Variants in RNF6 observed in about 807,000 individuals in gnomAD.
The protein encoded by RNF6 is E3 ubiquitin-protein ligase RNF6.
RNF6 carries 21 observed loss-of-function variants against 50.1 expected under a neutral mutation model. The ratio of observed to expected loss-of-function variants is 0.42; its 90% CI spans 0.30 to 0.60. The LOEUF is 0.60. Among genes scored for constraint, RNF6 ranks in the 20% least tolerant of loss-of-function variants. The pLI, the probability that RNF6 is intolerant of heterozygous loss-of-function variation, is 0.20. For synonymous variants in RNF6, 255 were observed against 291.8 expected (o/e 0.87, Z 1.29); for missense variants, 698 against 838.2 (o/e 0.83, Z 2.07).
At chr13:26,211,378 T>C (rs1869315267), downstream of RNF6, among the ~76,000 whole-genome samples, 1 of 152,192 alleles carries the variant, frequency 6.6e-6, no homozygotes, top group Admixed American at 6.5e-5. Context: ...TATCCTTACT[T>C]TTTTCATTCC....
chr13:26,136,857 CT>C (rs1870670917), intron 5 of RNF6, among the ~76,000 whole-genome samples: 1 of 152,126 alleles, frequency 6.6e-6, no homozygotes, highest in Non-Finnish European at 1.5e-5. Flanking sequence ...TCAGAATCAA[CT>C]TTTTCAAAGC....
chr13:26,137,716 T>C (rs1448050613), intron 5 of RNF6, among the ~76,000 whole-genome samples: 1 of 149,896 alleles, frequency 6.7e-6, no homozygotes, highest in Non-Finnish European at 1.5e-5. Flanking sequence ...AACGAGAAAT[T>C]CACTAGAGAG....
chr13:26,132,252 A>T (rs1039451180), exon 6 of RNF6: 42 of 292,008 alleles, frequency 1.4e-4, no homozygotes, highest in Non-Finnish European at 2.5e-4. Flanking sequence ...TAATCAGTTG[A>T]CAAAACAAAT....
chr13:26,185,548 T>C (rs1566425642), intron 5 of RNF6, among the ~76,000 whole-genome samples: 1 of 151,964 alleles, frequency 6.6e-6, no homozygotes, highest in African/African-American at 2.4e-5. Context: ...AGATCGAGAC[T>C]ATCCTGGCCA....
intron 5 of RNF6, among the ~76,000 whole-genome samples, chr13:26,181,074 C>T (rs923791656): frequency 7.2e-5 from 11 of 152,200 alleles, no homozygotes; most frequent in African/African-American, 2.7e-4. Flanking sequence ...CCTAGACCTT[C>T]CTCCATCAGC....
At chr13:26,151,561 C>A (rs899926544) in intron 5 of RNF6, among the ~76,000 whole-genome samples, 1 of 151,936 alleles carries the variant, frequency 6.6e-6, no homozygotes, top group Non-Finnish European at 1.5e-5. Context: ...CCGCGCCCGG[C>A]CCAGATGGTT....
intron 5 of RNF6, among the ~76,000 whole-genome samples, chr13:26,178,611 T>C (rs978552788): frequency 1.3e-5 from 2 of 150,644 alleles, no homozygotes; most frequent in African/African-American, 4.9e-5. Context: ...TGTGTGTGTG[T>C]GTGTGTGTGT....
chr13:26,173,025 T>C (rs1401613071), intron 5 of RNF6, among the ~76,000 whole-genome samples: 4 of 152,176 alleles, frequency 2.6e-5, no homozygotes, highest in Non-Finnish European at 4.4e-5. Flanking sequence ...ATCATAATTA[T>C]ATGAGAACAT....
chr13:26,141,354 G>A (rs1870937700), intron 5 of RNF6, among the ~76,000 whole-genome samples: 1 of 151,692 alleles, frequency 6.6e-6, no homozygotes, highest in Non-Finnish European at 1.5e-5. Context: ...CTTGAACCTG[G>A]GAGGTGGAGA....
At position 26,213,978 on chromosome 13, in the gene RNF6, C is replaced by T; in HGVS notation, c.1904G>A (p.Cys635Tyr). Residue 635 changes from cysteine to tyrosine, a missense_variant, in exon 5 of 5, where the codon TGT becomes TAT. Coordinates refer to ENST00000381588, the MANE Select transcript of RNF6 (RefSeq NM_005977.4). ...GTTTCCAGTTACATAGTCACTAATA[C>T]AAACACTACAGATTTTACCTAGTTC... ...DSELGKICSVCISDYVTGNKL... is the reference protein window; with the variant it reads ...DSELGKICSVYISDYVTGNKL... 1 of 1,614,170 alleles carries T rather than the reference C, an allele frequency of 6.2e-7. No individual in the cohort carries two copies. Among genetic ancestry groups the T allele is most frequent in the Non-Finnish European group, 8.5e-7 (1 of 1,180,022 alleles).
intron 5 of RNF6, among the ~76,000 whole-genome samples, chr13:26,186,422 C>G (rs9581578): frequency 0.064 from 9,772 of 152,320 alleles, 341 homozygotes; most frequent in African/African-American, 0.087. Context: ...AGAGCAAGAG[C>G]GGGACGCGCC....
exon 6 of RNF6, chr13:26,132,279 T>G (rs1870429362): frequency 3.0e-6 from 1 of 331,924 alleles, no homozygotes; most frequent in Non-Finnish European, 6.0e-6. Flanking sequence ...ATATTCTATG[T>G]TCCATAAAAG....
At chr13:26,182,386 C>T (rs1039251246) in intron 5 of RNF6, among the ~76,000 whole-genome samples, 7 of 152,080 alleles carry the variant, frequency 4.6e-5, no homozygotes, top group Non-Finnish European at 1.0e-4. Flanking sequence ...GACAGAATGC[C>T]CTCCTCAATG....
At position 26,214,659 on chromosome 13, in the gene RNF6, G is replaced by A. The variant is rs1474357534; in HGVS notation, c.1223C>T (p.Pro408Leu). Residue 408 changes from proline (P) to leucine (L), a missense_variant, in exon 5 of 5, where the codon CCT becomes CTT. Transcript: ENST00000381588. Reference sequence around the variant, plus strand: ...ACTATCCCGATCTCTATTTTCTCCAGGACGGATCCTTCTCACTTGAAGGTC... The same window carrying A: ...ACTATCCCGATCTCTATTTTCTCCAAGACGGATCCTTCTCACTTGAAGGTC... ...TLDLQVRRIR[P>L]GENRDRDSIA... is the part of the protein sequence containing the mutation. The A allele has an allele frequency of 2.5e-6, 4 of 1,614,054 alleles. No homozygotes were observed. Among genetic ancestry groups the A allele is most frequent in the South Asian group, 2.2e-5 (2 of 91,082 alleles).
intron 5 of RNF6, among the ~76,000 whole-genome samples, chr13:26,179,891 T>G (rs1205255002): frequency 6.6e-6 from 1 of 152,246 alleles, no homozygotes; most frequent in Non-Finnish European, 1.5e-5. Flanking sequence ...CAGGCTGGCC[T>G]GAAGCAGAGT....
intron 5 of RNF6, among the ~76,000 whole-genome samples, chr13:26,163,631 T>C (rs1872317743): frequency 2.0e-5 from 3 of 152,284 alleles, no homozygotes; most frequent in Middle Eastern, 6.8e-3. Flanking sequence ...GGAACCTGGG[T>C]TGCATTCCTT....
At position 26,173,323 on chromosome 13, in the gene RNF6, A is replaced by G. The variant is rs182807430; in HGVS notation, n.769-40872T>C. Among the ~76,000 whole-genome samples, 675 of 152,350 alleles carry G rather than the reference A, an allele frequency of 4.4e-3. 4 individuals are homozygous for G. Among genetic ancestry groups the G allele is most frequent in the Non-Finnish European group, 6.3e-3 (426 of 68,040 alleles). On this transcript the variant is annotated intron_variant and non_coding_transcript_variant, in intron 5 of 5. Transcript: ENST00000468480. The stretch of plus-strand genomic sequence containing the variant: ...AGTGGGAAAACCTAAATATTCATCA[A>G]CAGAGAAACAGTTAAATAAAACCCA...
At chr13:26,168,597 T>C (rs1872550275) in intron 5 of RNF6, among the ~76,000 whole-genome samples, 1 of 152,250 alleles carries the variant, frequency 6.6e-6, no homozygotes, top group Admixed American at 6.5e-5. Flanking sequence ...GCCTTTTGGC[T>C]CTTTTAAGCC....
chr13:26,155,750 A>G (rs1250731306), intron 5 of RNF6, among the ~76,000 whole-genome samples: 1 of 152,200 alleles, frequency 6.6e-6, no homozygotes, highest in Non-Finnish European at 1.5e-5. Flanking sequence ...GCCAGGCCCC[A>G]AGAGTCATGG....
Sources: allele counts gnomAD v4.1 joint callset (sites outside exome capture counted in the v4.1 genomes callset), GRCh38; gene constraint gnomAD v4.1.1; transcripts MANE v1.5; gene names NCBI Gene and HGNC (gene_info 2026-07-23, HGNC 2026-07-21).